The following SBF2 variants were observed in gnomAD, a reference collection of about 807,000 sequenced individuals.
SBF2 encodes the protein myotubularin-related protein 13.
A neutral mutation model predicts 225.2 loss-of-function variants in SBF2; 112 were observed. That is an observed-to-expected ratio of 0.50 (90% CI 0.43 to 0.58). The LOEUF is 0.58. Ranked by LOEUF, SBF2 falls within the 20% of genes least tolerant of loss-of-function variation. The pLI is 0.00. For missense variants in SBF2, 1,996 were observed against 2,206.2 expected, an observed-to-expected ratio of 0.90 and a Z score of 1.91; for synonymous variants, 763 against 773.3, an observed-to-expected ratio of 0.99 and a Z score of 0.22.
intron 2 of SBF2, among the ~76,000 whole-genome samples, chr11:10,140,354 G>A (rs1954582025): frequency 6.6e-6 from 1 of 152,240 alleles, no homozygotes; most frequent in East Asian, 1.9e-4. Context: ...AGAGGGACTG[G>A]CAATTGAGTT....
At chr11:10,171,233 G>T (rs1283334474) in intron 2 of SBF2, among the ~76,000 whole-genome samples, 1 of 152,042 alleles carries the variant, frequency 6.6e-6, no homozygotes, top group Admixed American at 6.5e-5. Context: ...TAGAGGAAAG[G>T]CTTTCAGTTT....
intron 16 of SBF2, among the ~76,000 whole-genome samples, chr11:9,917,842 A>C (rs1019298937): frequency 1.2e-4 from 18 of 150,340 alleles, no homozygotes; most frequent in African/African-American, 4.2e-4. Context: ...GTCTTTAAAA[A>C]CCCCAAACTT....
At chr11:10,163,283 C>T (rs995344571) in intron 2 of SBF2, among the ~76,000 whole-genome samples, 9 of 152,034 alleles carry the variant, frequency 5.9e-5, no homozygotes, top group Non-Finnish European at 2.9e-5. Flanking sequence ...CTAAAATACA[C>T]AATAATGACA....
chr11:10,097,074 G>A (rs577123333), intron 2 of SBF2, among the ~76,000 whole-genome samples: 66 of 152,166 alleles, frequency 4.3e-4, no homozygotes, highest in South Asian at 1.7e-3. Flanking sequence ...ATTCAGAGGT[G>A]AGGCCTTCAG....
chr11:9,804,184 C>CCAGA lies in SBF2; in HGVS notation c.4443+3812_4443+3815dup, dbSNP rs558105106. On this transcript the variant is annotated intron_variant, in intron 32 of 39. Coordinates refer to ENST00000256190, the MANE Select transcript of SBF2 (RefSeq NM_030962.4). ...CTGATAAGCTCTAGACTTGGGAACA[C>CCAGA]CAGACACAACTGGGTTAGTGGAAAC... Among the ~76,000 whole-genome samples, 1,050 of 152,200 alleles carry CCAGA rather than the reference C, an allele frequency of 6.9e-3. 10 individuals carry two copies. The highest frequency in any genetic ancestry group is 6.8e-3 in the Non-Finnish European group (465 of 67,998).
At chr11:10,084,143 C>T (rs986497564) in intron 2 of SBF2, among the ~76,000 whole-genome samples, 1 of 151,986 alleles carries the variant, frequency 6.6e-6, no homozygotes, top group African/African-American at 2.4e-5. Flanking sequence ...GGAATTCAAA[C>T]TAAGAACAAA....
intron 1 of SBF2, among the ~76,000 whole-genome samples, chr11:10,203,551 G>A (rs1435409297): frequency 6.6e-6 from 1 of 152,044 alleles, no homozygotes; most frequent in Non-Finnish European, 1.5e-5. Flanking sequence ...AATCAAGAGA[G>A]TAAAATTCAC....
chr11:10,175,628 C>G (rs1207716499), intron 2 of SBF2, among the ~76,000 whole-genome samples: 1 of 150,450 alleles, frequency 6.6e-6, no homozygotes, highest in African/African-American at 2.5e-5. Context: ...ACAAGGATAC[C>G]CAGGAATGGA....
At chr11:10,286,572 A>C (rs1481137811) in intron 1 of SBF2, among the ~76,000 whole-genome samples, 2 of 152,052 alleles carry the variant, frequency 1.3e-5, no homozygotes, top group South Asian at 2.1e-4. Context: ...GTTGGCCAGG[A>C]TGGTCTCGTT....
intron 1 of SBF2, among the ~76,000 whole-genome samples, chr11:10,198,678 G>A (rs187512197): frequency 5.3e-4 from 80 of 152,192 alleles, no homozygotes; most frequent in Non-Finnish European, 7.9e-4. Flanking sequence ...AGCCTGTTTC[G>A]TCTACACTGT....
chr11:10,207,071 A>G (rs1957775730), intron 1 of SBF2, among the ~76,000 whole-genome samples: 1 of 152,184 alleles, frequency 6.6e-6, no homozygotes, highest in Admixed American at 6.5e-5. Context: ...TGAAAATTAA[A>G]AACAAAGAAG....
intron 16 of SBF2, among the ~76,000 whole-genome samples, chr11:9,952,342 G>A (rs983146364): frequency 3.3e-5 from 5 of 152,186 alleles, no homozygotes; most frequent in African/African-American, 1.2e-4. Flanking sequence ...ATTAAGAAAG[G>A]AACTGGGAGG....
chr11:9,939,467 A>G (rs1865120190), intron 16 of SBF2, among the ~76,000 whole-genome samples: 1 of 152,208 alleles, frequency 6.6e-6, no homozygotes, highest in Non-Finnish European at 1.5e-5. Flanking sequence ...TAACAATAAC[A>G]TAAGTTAGTT....
chr11:9,857,266 A>AC (rs1857394298), intron 18 of SBF2, among the ~76,000 whole-genome samples: 2 of 152,204 alleles, frequency 1.3e-5, no homozygotes, highest in Non-Finnish European at 2.9e-5. Context: ...ATAGCTTGTG[A>AC]AGAGCTGGTA....
At chr11:10,034,226 T>C (rs1175514429) in intron 3 of SBF2, among the ~76,000 whole-genome samples, 1 of 152,226 alleles carries the variant, frequency 6.6e-6, no homozygotes, top group Non-Finnish European at 1.5e-5. Context: ...GTAGATATCT[T>C]TGCCTACCAA....
In SBF2 at chr11:9,779,423, C is replaced by T. The variant is rs1013875313; in HGVS notation, c.*995G>A. 1.0e-4 allele frequency: 16 copies of T among 152,750 alleles called. No homozygotes were observed. Among genetic ancestry groups the T allele is most frequent in the Non-Finnish European group, 2.1e-4 (14 of 68,034 alleles). The allele number at this position is 152,750 out of a possible 1,614,324, so 9.5% of individuals were successfully genotyped here. ...TCTTGGGTCTTAAGCTAAACAATCA[C>T]AAGTTATCAAAGTAAAGAAAATCTA... On this transcript the variant is annotated 3_prime_UTR_variant, in exon 40 of 40. Transcript: ENST00000256190.
intron 27 of SBF2, among the ~76,000 whole-genome samples, chr11:9,830,888 A>G (rs1166089478): frequency 6.6e-6 from 1 of 152,234 alleles, no homozygotes; most frequent in Non-Finnish European, 1.5e-5. Context: ...AACCAGTGGA[A>G]TAAGTTTCAA....
chr11:9,858,152 C>T, intron 18 of SBF2, 74 bp downstream of exon 18: 1 of 1,566,094 alleles, frequency 6.4e-7, no homozygotes, highest in Non-Finnish European at 8.8e-7. Context: ...GTTTTTTTTG[C>T]CCTGGGAACA....
chr11:10,261,165 C>T (rs909972487), intron 1 of SBF2, among the ~76,000 whole-genome samples: 5 of 152,144 alleles, frequency 3.3e-5, no homozygotes, highest in African/African-American at 1.2e-4. Context: ...ATGCCAAATA[C>T]TGATGAGATT....
Sources: allele counts gnomAD v4.1 joint callset (sites outside exome capture counted in the v4.1 genomes callset), GRCh38; gene constraint gnomAD v4.1.1; transcripts MANE v1.5; gene names NCBI Gene and HGNC (gene_info 2026-07-23, HGNC 2026-07-21).